The following ZSCAN5A variants were observed in gnomAD, a reference collection of about 807,000 sequenced individuals.
The protein encoded by ZSCAN5A is zinc finger and SCAN domain containing 5A, also known as zinc finger and SCAN domain-containing protein 5A.
ZSCAN5A carries 12 observed loss-of-function variants against 23.7 expected under a neutral mutation model. That is an observed-to-expected ratio of 0.51 (90% CI 0.32 to 0.82). The LOEUF is 0.82. Ranked by LOEUF, ZSCAN5A falls within the 40% of genes least tolerant of loss-of-function variation. ZSCAN5A has a pLI of 0.03. For synonymous variants in ZSCAN5A, 257 were observed against 239.9 expected (o/e 1.07, Z -0.66); for missense variants, 597 against 617.9 (o/e 0.97, Z 0.36).
upstream of ZSCAN5A, chr19:56,315,002 T>TA (rs1339707916): frequency 1.3e-5 from 2 of 152,252 alleles, no homozygotes; most frequent in Non-Finnish European, 2.9e-5. Flanking sequence ...TGAAAGCATC[T>TA]AACAAGCGTT....
chr19:56,303,105 G>C, intron 2 of ZSCAN5A: 2 of 383,824 alleles, frequency 5.2e-6, no homozygotes, highest in Non-Finnish European at 9.2e-6. Flanking sequence ...TTAGCCAATT[G>C]AGGAGGGGAA....
intron 2 of ZSCAN5A, among the ~76,000 whole-genome samples, chr19:56,288,661 TAG>T (rs2039304070): frequency 6.6e-6 from 1 of 152,172 alleles, no homozygotes; most frequent in Non-Finnish European, 1.5e-5. Flanking sequence ...AAACATTTGT[TAG>T]AAGGCGTGAC....
chr19:56,305,356 T>C (rs1421601394), intron 2 of ZSCAN5A, among the ~76,000 whole-genome samples: 1 of 152,222 alleles, frequency 6.6e-6, no homozygotes, highest in African/African-American at 2.4e-5. Flanking sequence ...CCTTTGCATC[T>C]GGGTTTATTC....
chr19:56,272,350 A>G (rs1323829114), intron 2 of ZSCAN5A, among the ~76,000 whole-genome samples: 1 of 152,232 alleles, frequency 6.6e-6, no homozygotes, highest in Non-Finnish European at 1.5e-5. Context: ...TGTCACAACT[A>G]CAAAGCTCAG....
intron 2 of ZSCAN5A, among the ~76,000 whole-genome samples, chr19:56,265,330 C>T (rs2037399805): frequency 6.7e-6 from 1 of 148,848 alleles, no homozygotes; most frequent in Admixed American, 6.8e-5. Context: ...ACCTTGAATA[C>T]CATTTCAACA....
chr19:56,327,570 AAT>A (rs1465313599), intron 2 of ZSCAN5A, among the ~76,000 whole-genome samples: 1 of 151,150 alleles, frequency 6.6e-6, no homozygotes, highest in African/African-American at 2.4e-5. Context: ...AATGACATTA[AAT>A]ATATACAAAT....
intron 2 of ZSCAN5A, among the ~76,000 whole-genome samples, chr19:56,332,192 T>G (rs2041495754): frequency 6.6e-6 from 1 of 152,164 alleles, no homozygotes; most frequent in African/African-American, 2.4e-5. Flanking sequence ...ATTGGTCAAG[T>G]GTCAGATTTA....
chr19:56,224,991 C>T lies in ZSCAN5A; in HGVS notation c.56G>A (p.Gly19Glu), dbSNP rs1268909867. The part of the protein sequence containing the change: ...WSLGESCNRP[G>E]LELPRSMASS... ...TGCCATAGACCGTGGCAGCTCCAAC[C>T]CAGGTCTGTTGCAGGATTCTCCTAG... Residue 19 changes from glycine (G) to glutamate (E), a missense_variant, in exon 3 of 6, where the codon GGG (glycine) becomes GAG (glutamate). By Grantham distance (98) the Gly-to-Glu change is moderately conservative. Transcript: ENST00000683990. The T allele has an allele frequency of 8.1e-6, 13 of 1,613,952 alleles. No individual in the cohort carries two copies. Among genetic ancestry groups the T allele is most frequent in the Non-Finnish European group, 9.3e-6 (11 of 1,179,910 alleles).
At chr19:56,304,671 C>G (rs1032724570) in intron 2 of ZSCAN5A, 11 of 425,154 alleles carry the variant, frequency 2.6e-5, no homozygotes, top group African/African-American at 2.4e-4. Flanking sequence ...AGGGAAAGAG[C>G]AGAGGGGGAG....
At chr19:56,224,172 G>C (rs571896245) in intron 3 of ZSCAN5A, 1 of 263,748 alleles carries the variant, frequency 3.8e-6, no homozygotes, top group Non-Finnish European at 7.1e-6. Flanking sequence ...GAACTTAGGG[G>C]CTCATTTGGG....
chr19:56,313,914 A>G (rs530810065), intron 1 of ZSCAN5A, among the ~76,000 whole-genome samples: 1 of 152,310 alleles, frequency 6.6e-6, no homozygotes, highest in African/African-American at 2.4e-5. Context: ...GTGTTCAGGA[A>G]AACTTTTAGG....
chr19:56,301,132 G>A (rs1286656441), intron 2 of ZSCAN5A, among the ~76,000 whole-genome samples: 1 of 152,130 alleles, frequency 6.6e-6, no homozygotes, highest in Non-Finnish European at 1.5e-5. Flanking sequence ...AAGAATTTGA[G>A]GCAAGTCCAT....
At chr19:56,294,310 G>A (rs1266799225) in intron 2 of ZSCAN5A, among the ~76,000 whole-genome samples, 2 of 152,212 alleles carry the variant, frequency 1.3e-5, no homozygotes, top group Non-Finnish European at 2.9e-5. Flanking sequence ...CAAGTGGTTC[G>A]GTGGAGACAG....
At position 56,225,112 on chromosome 19, in the gene ZSCAN5A, A is replaced by ACCAG. The variant is rs1043637202; in HGVS notation, c.-67_-66insCTGG. On this transcript the variant is annotated 5_prime_UTR_variant, in exon 3 of 6. Transcript: ENST00000683990. ...TTCCAGTAGCTGGTATCTAATTGAT[A>ACCAG]CCTATCTACACAGGCTTCCTCTGGT... 3.3e-6 allele frequency: 5 copies of ACCAG among 1,510,974 alleles called. No homozygotes were observed. In the African/African-American group the frequency reaches 7.0e-5, roughly 21 times the overall value. The allele number at this position is 1,510,974 out of a possible 1,614,324, so 93.6% of individuals were successfully genotyped here. A position where few individuals can be genotyped will look rare whatever the true frequency, so the allele number is the denominator to read the frequency against.
rs371326861 is a variant in ZSCAN5A, at chr19:56,365,967, AGAGTAGCCATTTT to A, written c.-522+2229_-522+2241del. 133 of 152,396 alleles carry A rather than the reference AGAGTAGCCATTTT, an allele frequency of 8.7e-4. 1 individual carries two copies. The highest frequency in any genetic ancestry group is 3.1e-3 in the African/African-American group (129 of 41,576). The allele number at this position is 152,396 out of a possible 1,614,324, so 9.4% of individuals were successfully genotyped here. ...AGCTGGTTCTGGCAGGGGAAGAGGA[AGAGTAGCCATTTT>A]GAAATATACCACGGCATTCTGTTCA... On this transcript the variant is annotated intron_variant, in intron 1 of 6. Transcript: ENST00000587340.
Position 56,351,969 on chromosome 19 carries a change from TTCTTACCCAAAG to T in ZSCAN5A, c.-358+11254_-358+11265del, listed in dbSNP as rs2041670111. The stretch of plus-strand genomic sequence containing the variant: ...TGCGGGATGAAGATGTCATTACACT[TTCTTACCCAAAG>T]TCAGGTAGGGAAGTGGGACCCGAAA... On this transcript the variant is annotated intron_variant, in intron 2 of 6. Coordinates refer to the ZSCAN5A transcript ENST00000587340. The surrounding 1 kb of genome is among the most constrained non-coding windows in gnomAD (Gnocchi z 4.8). Among the ~76,000 whole-genome samples, 1 of 152,188 alleles carries T rather than the reference TTCTTACCCAAAG, an allele frequency of 6.6e-6. No homozygotes were observed.
intron 2 of ZSCAN5A, chr19:56,244,008 T>G: frequency 1.3e-6 from 1 of 753,740 alleles, no homozygotes; most frequent in Admixed American, 2.5e-5. Context: ...TGGAAGAACT[T>G]TCTCAGAGAC....
chr19:56,350,935 G>A (rs984014410), intron 2 of ZSCAN5A, among the ~76,000 whole-genome samples: 3 of 151,958 alleles, frequency 2.0e-5, no homozygotes, highest in African/African-American at 7.3e-5. Flanking sequence ...GCCACACACA[G>A]ACATGCCATT....
chr19:56,264,860 G>A (rs1462106917), intron 2 of ZSCAN5A, among the ~76,000 whole-genome samples: 1 of 152,216 alleles, frequency 6.6e-6, no homozygotes, highest in Non-Finnish European at 1.5e-5. Flanking sequence ...GGTGGCTCAT[G>A]CCTGTAATCC....
Sources: allele counts gnomAD v4.1 joint callset (sites outside exome capture counted in the v4.1 genomes callset), GRCh38; gene constraint gnomAD v4.1.1; non-coding constraint Gnocchi (gnomAD v3.1); transcripts MANE v1.5; gene names NCBI Gene and HGNC (gene_info 2026-07-23, HGNC 2026-07-21).